The following TRIM3 variants were observed in gnomAD, a reference collection of about 807,000 sequenced individuals.
TRIM3 encodes the protein tripartite motif containing 3.
Under a neutral mutation model 66.6 loss-of-function variants are expected in TRIM3, and 13 were observed. The observed-to-expected ratio is 0.20, with a 90% confidence interval of 0.13 to 0.31. The LOEUF (loss-of-function observed/expected upper bound fraction) is 0.31, where lower values mean the gene tolerates loss of function less well. Ranked by LOEUF, TRIM3 falls within the 10% of genes least tolerant of loss-of-function variation. The pLI, the probability that TRIM3 is intolerant of heterozygous loss-of-function variation, is 1.00. For synonymous variants in TRIM3, 406 were observed against 411.7 expected, an observed-to-expected ratio of 0.99 and a Z score of 0.17; for missense variants, 711 against 1,020.4, an observed-to-expected ratio of 0.70 and a Z score of 4.13.
Position 6,456,126 on chromosome 11 carries a change from G to C in TRIM3, c.1479C>G (p.Ser493=), listed in dbSNP as rs371131254. The change falls in exon 7 of 12, where the codon TCC becomes TCG. Residue 493 remains serine (S), a synonymous_variant. Coordinates refer to ENST00000345851, the MANE Select transcript of TRIM3 (RefSeq NM_033278.4). This position sits in a 1 kb window ranked among gnomAD's most constrained non-coding sequence, Gnocchi z 6.4. ...CCACGATGCGGCCGCTGCTGGCTGC[G>C]GACACACCTTGTAAATTGGTGAATT... ...KGEFTNLQGV[S]AASSGRIVVA... 3 of 1,613,978 alleles carry C rather than the reference G, an allele frequency of 1.9e-6. No homozygotes were observed. The highest frequency in any genetic ancestry group is 1.3e-5 in the African/African-American group (1 of 74,878).
chr11:6,474,197 C>G (rs1850841238), upstream of TRIM3: 1 of 152,224 alleles, frequency 6.6e-6, no homozygotes, highest in Non-Finnish European at 1.5e-5. Flanking sequence ...CCAGCTGCCT[C>G]CGGCTCCGGG....
rs1590810918 is a variant in TRIM3, at chr11:6,448,974, G to A, written c.*54C>T. 1.1e-5 allele frequency: 17 copies of A among 1,602,118 alleles called. No homozygotes were observed. In the East Asian group the frequency reaches 1.6e-4, roughly 15 times the overall value. ...GCCCACCTCCCAGCCAGACCCTCTT[G>A]TCCAATCACCCCAATGTCTGTCCCT... On this transcript the variant is annotated 3_prime_UTR_variant, in exon 12 of 12. Coordinates refer to ENST00000345851, the MANE Select transcript of TRIM3 (RefSeq NM_033278.4).
At chr11:6,466,205 C>T (rs1339773729) in intron 1 of TRIM3, among the ~76,000 whole-genome samples, 2 of 152,164 alleles carry the variant, frequency 1.3e-5, no homozygotes, top group East Asian at 1.9e-4. Flanking sequence ...CCCTGACCCA[C>T]CTCTTAGCAC....
At chr11:6,471,861 T>C (rs1850696238) in intron 1 of TRIM3, among the ~76,000 whole-genome samples, 1 of 151,620 alleles carries the variant, frequency 6.6e-6, no homozygotes, top group Admixed American at 6.6e-5. Context: ...AACAGAAACA[T>C]GAGAAACTAA....
In TRIM3 at chr11:6,450,968, G is replaced by A. The variant is rs1053672285; in HGVS notation, c.1794C>T (p.Cys598=). 6.8e-6 allele frequency: 11 copies of A among 1,614,102 alleles called. No individual in the cohort carries two copies. The highest frequency in any genetic ancestry group is 2.2e-5 in the East Asian group (1 of 44,892). Residue 598 remains cysteine (C), a synonymous_variant, in exon 9 of 12, where the codon TGC becomes TGT. Transcript: ENST00000345851. This position sits in a 1 kb window ranked among gnomAD's most constrained non-coding sequence, Gnocchi z 4.8. ...HIIVVDNKSC[C]VFTFQPNGKL... The stretch of plus-strand genomic sequence containing the variant: ...TGCCATTGGGCTGGAAGGTAAAGAC[G>A]CAGCAAGACTTGTTGTCGACCACAA...
intron 2 of TRIM3, among the ~76,000 whole-genome samples, chr11:6,459,437 G>T (rs1031852962): frequency 3.9e-5 from 6 of 152,190 alleles, no homozygotes; most frequent in Non-Finnish European, 7.3e-5. Context: ...GGGGTTGGGG[G>T]GCGAGGGCAG....
At chr11:6,468,882 A>G (rs1321322032) in intron 1 of TRIM3, among the ~76,000 whole-genome samples, 1 of 152,120 alleles carries the variant, frequency 6.6e-6, no homozygotes, top group South Asian at 2.1e-4. Context: ...GAATGAATGA[A>G]TGAATGCAGG....
intron 1 of TRIM3, among the ~76,000 whole-genome samples, chr11:6,471,989 A>G (rs544016290): frequency 6.6e-5 from 10 of 152,166 alleles, no homozygotes; most frequent in Non-Finnish European, 1.0e-4. Context: ...ATCTAAATAA[A>G]TAAATAAATA....
In TRIM3 at chr11:6,450,996, A is replaced by G; in HGVS notation, c.1766T>C (p.Ile589Thr). Reference protein sequence around the residue: ...KGVAVDRNGHIIVVDNKSCCV... With the variant: ...KGVAVDRNGHTIVVDNKSCCV... ...GCAAGACTTGTTGTCGACCACAATGATATGTCCATTCCGGTCTACGGCCAC... is the reference window on the plus strand; with the variant it reads ...GCAAGACTTGTTGTCGACCACAATGGTATGTCCATTCCGGTCTACGGCCAC... The change falls in exon 9 of 12, where the codon ATC becomes ACC. Residue 589 changes from isoleucine (I) to threonine (T), a missense_variant. By Grantham distance (89) the Ile-to-Thr change is moderately conservative. This residue lies in a region of TRIM3 where 163 missense variants were observed against 321.9 expected (regional missense o/e 0.51). Coordinates refer to ENST00000345851, the MANE Select transcript of TRIM3 (RefSeq NM_033278.4). The surrounding 1 kb of genome is among the most constrained non-coding windows in gnomAD (Gnocchi z 4.8). 1 of 1,614,194 alleles carries G rather than the reference A, an allele frequency of 6.2e-7. No homozygotes were observed. The highest frequency in any genetic ancestry group is 8.5e-7 in the Non-Finnish European group (1 of 1,180,036).
chr11:6,461,735 G>C (rs569977384), intron 2 of TRIM3, among the ~76,000 whole-genome samples: 1 of 152,074 alleles, frequency 6.6e-6, no homozygotes, highest in Non-Finnish European at 1.5e-5. Flanking sequence ...CTTCCTATTT[G>C]TCAAGTGTAC....
intron 7 of TRIM3, chr11:6,451,801 C>T (rs1360072027): frequency 4.0e-6 from 1 of 252,042 alleles, no homozygotes; most frequent in African/African-American, 2.3e-5. Context: ...CCAGTATGGG[C>T]ACCACTTGAG....
At chr11:6,464,206 GCCT>G in intron 2 of TRIM3, among the ~76,000 whole-genome samples, 1 of 152,148 alleles carries the variant, frequency 6.6e-6, no homozygotes, top group Non-Finnish European at 1.5e-5. Flanking sequence ...AGGTGGTCTG[GCCT>G]CCACCTACCT....
intron 1 of TRIM3, among the ~76,000 whole-genome samples, chr11:6,468,762 A>G (rs1850567784): frequency 6.6e-6 from 1 of 152,258 alleles, no homozygotes; most frequent in South Asian, 2.1e-4. Context: ...GTGGCAGAAC[A>G]ACAGCTGGAT....
Position 6,456,900 on chromosome 11 carries a change from C to G in TRIM3, c.826G>C (p.Glu276Gln). The change falls in exon 6 of 12, where the codon GAG (glutamate) becomes CAG (glutamine). Residue 276 changes from glutamate to glutamine, a missense_variant. By Grantham distance (29) the Glu-to-Gln change is conservative. Coordinates refer to ENST00000345851, the MANE Select transcript of TRIM3 (RefSeq NM_033278.4). This position sits in a 1 kb window ranked among gnomAD's most constrained non-coding sequence, Gnocchi z 6.4. ...TGTGCCGCCAATGCAGCCAGCCGCT[C>G]TCGCATGTGCTTGCGCACCAGCAAC... ...EVLLVRKHMR[E>Q]RLAALAAQAF... 1 of 1,612,324 alleles carries G rather than the reference C, an allele frequency of 6.2e-7. No individual in the cohort carries two copies. Among genetic ancestry groups the G allele is most frequent in the South Asian group, 1.1e-5 (1 of 91,084 alleles).
Position 6,469,342 on chromosome 11 carries a change from C to T in TRIM3, c.-37-3610G>A, listed in dbSNP as rs952358217. Among the ~76,000 whole-genome samples, 6 of 152,182 alleles carry T rather than the reference C, an allele frequency of 3.9e-5. No individual in the cohort carries two copies. In the East Asian group the frequency reaches 7.7e-4, roughly 20 times the overall value. ...ACTCCTCCCCTTCCTGCTTCAGTTCCCCTCCCAGACTTACTGGGCATGCAG... is the reference window on the plus strand; with the variant it reads ...ACTCCTCCCCTTCCTGCTTCAGTTCTCCTCCCAGACTTACTGGGCATGCAG... On this transcript the variant is annotated intron_variant, in intron 1 of 11. Coordinates refer to ENST00000345851, the MANE Select transcript of TRIM3 (RefSeq NM_033278.4).
rs1486358429 is a variant in TRIM3 at position 6,456,464 on chromosome 11, G to T, written c.1262C>A (p.Pro421Gln). 5 of 1,541,702 alleles carry T rather than the reference G, an allele frequency of 3.2e-6. No homozygotes were observed. In the African/African-American group the frequency reaches 5.5e-5, roughly 17 times the overall value. The change falls in exon 6 of 12, where the codon CCG becomes CAG. Residue 421 changes from proline to glutamine, a missense_variant. By Grantham distance (76) the Pro-to-Gln change is moderately conservative (BLOSUM62 -1). Transcript: ENST00000345851. The surrounding 1 kb of genome is among the most constrained non-coding windows in gnomAD (Gnocchi z 6.4). Reference protein sequence around the residue: ...GSPFRVRALRPGDLPPSPDDV... With the variant: ...GSPFRVRALRQGDLPPSPDDV... Reference sequence around the variant, plus strand: ...GTCCGGGGAAGGTGGCAGGTCCCCCGGACGCAGGGCACGCACGCGGAAGGG... The same window carrying T: ...GTCCGGGGAAGGTGGCAGGTCCCCCTGACGCAGGGCACGCACGCGGAAGGG...
At chr11:6,460,145 T>A (rs1850161056) in intron 2 of TRIM3, among the ~76,000 whole-genome samples, 1 of 152,132 alleles carries the variant, frequency 6.6e-6, no homozygotes, top group Non-Finnish European at 1.5e-5. Context: ...AGTGGTACAT[T>A]TCCAGGAGGG....
At chr11:6,459,861 G>C (rs950469438) in intron 2 of TRIM3, among the ~76,000 whole-genome samples, 1 of 152,196 alleles carries the variant, frequency 6.6e-6, no homozygotes, top group South Asian at 2.1e-4. Flanking sequence ...GTAGCTATAG[G>C]AAAGTTCAGC....
chr11:6,456,285 G>C lies in TRIM3; in HGVS notation c.1429+12C>G. Reference sequence around the variant, plus strand: ...GCCTGGCCCATCTGGCTCTGCCCTCGGCTGTCTGTACCAACACGGAAGACG... The same window carrying C: ...GCCTGGCCCATCTGGCTCTGCCCTCCGCTGTCTGTACCAACACGGAAGACG... On this transcript the variant is annotated intron_variant, in intron 6 of 11. Transcript: ENST00000345851. This position sits in a 1 kb window ranked among gnomAD's most constrained non-coding sequence, Gnocchi z 6.4. 4.4e-6 allele frequency: 7 copies of C among 1,574,600 alleles called. No individual in the cohort carries two copies. Among genetic ancestry groups the C allele is most frequent in the South Asian group, 1.2e-5 (1 of 83,952 alleles).
Sources: allele counts gnomAD v4.1 joint callset (sites outside exome capture counted in the v4.1 genomes callset), GRCh38; gene constraint gnomAD v4.1.1; regional missense constraint gnomAD v4.1.1; non-coding constraint Gnocchi (gnomAD v3.1); transcripts MANE v1.5; gene names NCBI Gene and HGNC (gene_info 2026-07-23, HGNC 2026-07-21).